Variants in AFF3 observed in about 807,000 individuals in gnomAD.
AFF3 encodes AF4/FMR2 family member 3.
AFF3 carries 32 observed loss-of-function variants against 129.7 expected under a neutral mutation model. That is an observed-to-expected ratio of 0.25 (90% CI 0.19 to 0.33). The LOEUF (loss-of-function observed/expected upper bound fraction) is 0.33. Ranked by LOEUF, AFF3 falls within the 10% of genes least tolerant of loss-of-function variation. The pLI is 1.00. For synonymous variants in AFF3, 644 were observed against 635.4 expected, an observed-to-expected ratio of 1.01 and a Z score of -0.20; for missense variants, 1,373 against 1,592.0, an observed-to-expected ratio of 0.86 and a Z score of 2.34.
chr2:100,085,740 T>G (rs1689369259), intron 4 of AFF3, among the ~76,000 whole-genome samples: 1 of 152,140 alleles, frequency 6.6e-6, no homozygotes, highest in African/African-American at 2.4e-5. Flanking sequence ...TCCAGACAGA[T>G]CTAACAGTCC....
intron 11 of AFF3, among the ~76,000 whole-genome samples, chr2:99,706,895 C>T (rs1295980557): frequency 6.6e-6 from 1 of 152,158 alleles, no homozygotes; most frequent in African/African-American, 2.4e-5. Context: ...TGATCCAATT[C>T]CTGCTCCAGC....
Position 100,028,256 on chromosome 2 carries a change from A to G in AFF3, c.54-19324T>C, listed in dbSNP as rs115124818. Among the ~76,000 whole-genome samples, 1,465 of 152,306 alleles carry G rather than the reference A, an allele frequency of 9.6e-3. 21 individuals carry two copies. Among genetic ancestry groups the G allele is most frequent in the African/African-American group, 0.032 (1,339 of 41,550 alleles). ...ATTTTGTATTTTGTAGAACATTTTC[A>G]GAATCTTTAAAAAGAACACTTTACT... On this transcript the variant is annotated intron_variant, in intron 4 of 24. Transcript: ENST00000672756.
intron 7 of AFF3, among the ~76,000 whole-genome samples, chr2:99,859,929 C>T (rs973675723): frequency 6.6e-6 from 1 of 151,662 alleles, no homozygotes; most frequent in African/African-American, 2.4e-5. Flanking sequence ...TTATGGTCGC[C>T]CCCCGCAAAA....
At chr2:99,697,223 C>T (rs930815968) in intron 11 of AFF3, among the ~76,000 whole-genome samples, 1 of 152,212 alleles carries the variant, frequency 6.6e-6, no homozygotes, top group African/African-American at 2.4e-5. Flanking sequence ...TTTCCTGCAG[C>T]TTTGAGAATC....
intron 4 of AFF3, among the ~76,000 whole-genome samples, chr2:100,054,305 A>G (rs1230272897): frequency 6.6e-6 from 1 of 152,232 alleles, no homozygotes; most frequent in Non-Finnish European, 1.5e-5. Flanking sequence ...GGTGCCACAC[A>G]TTTAGTCAAA....
intron 11 of AFF3, among the ~76,000 whole-genome samples, chr2:99,711,851 T>C (rs1397555852): frequency 3.9e-5 from 6 of 152,210 alleles, no homozygotes; most frequent in Non-Finnish European, 7.3e-5. Flanking sequence ...GCAATATTTA[T>C]TGATTGCTTG....
At chr2:99,962,089 A>C (rs1677280765) in intron 7 of AFF3, among the ~76,000 whole-genome samples, 1 of 152,112 alleles carries the variant, frequency 6.6e-6, no homozygotes, top group African/African-American at 2.4e-5. Flanking sequence ...CATGAAAAGT[A>C]CCCAGCCCAG....
chr2:99,937,913 A>G (rs1674673359), intron 7 of AFF3, among the ~76,000 whole-genome samples: 1 of 152,204 alleles, frequency 6.6e-6, no homozygotes, highest in Non-Finnish European at 1.5e-5. Flanking sequence ...ATGTATTTCC[A>G]GAGTCACCTA....
intron 12 of AFF3, among the ~76,000 whole-genome samples, chr2:99,666,921 G>C (rs1686724379): frequency 2.6e-5 from 4 of 152,078 alleles, no homozygotes; most frequent in Admixed American, 6.5e-5. Flanking sequence ...CGATTGAATA[G>C]AAAGAAGAAA....
intron 13 of AFF3, among the ~76,000 whole-genome samples, chr2:99,636,331 C>A (rs577825197): frequency 6.6e-6 from 1 of 152,286 alleles, no homozygotes; most frequent in South Asian, 2.1e-4. Context: ...GGCTGGGCTT[C>A]ATCGAGGCCC....
At chr2:99,649,434 T>A (rs1193343299) in intron 13 of AFF3, among the ~76,000 whole-genome samples, 192 bp downstream of exon 13, 1 of 152,206 alleles carries the variant, frequency 6.6e-6, no homozygotes, top group South Asian at 2.1e-4. Flanking sequence ...ATACTTGCTA[T>A]GAAATACAAC....
intron 24 of AFF3, 105 bp downstream of exon 24, chr2:99,554,206 A>G: frequency 8.3e-7 from 1 of 1,203,550 alleles, no homozygotes. Flanking sequence ...TGAAGAAAGG[A>G]TATACAACTG....
At chr2:99,598,447 C>G (rs1679503497) in intron 14 of AFF3, among the ~76,000 whole-genome samples, 2 of 152,216 alleles carry the variant, frequency 1.3e-5, no homozygotes, top group Non-Finnish European at 2.9e-5. Flanking sequence ...GAGAGGGCCC[C>G]TCCATGCTAC....
intron 7 of AFF3, among the ~76,000 whole-genome samples, chr2:100,003,836 A>G (rs1681681462): frequency 6.6e-6 from 1 of 152,216 alleles, no homozygotes; most frequent in African/African-American, 2.4e-5. Flanking sequence ...GATGAAGGTG[A>G]GGGAATTTTC....
intron 7 of AFF3, among the ~76,000 whole-genome samples, chr2:99,927,498 G>T (rs73610074): frequency 6.6e-6 from 1 of 152,116 alleles, no homozygotes; most frequent in Non-Finnish European, 1.5e-5. Flanking sequence ...ACTACCACAT[G>T]TTCTAACTTA....
At chr2:99,736,384 T>C (rs1374887953) in intron 10 of AFF3, among the ~76,000 whole-genome samples, 1 of 152,200 alleles carries the variant, frequency 6.6e-6, no homozygotes, top group Non-Finnish European at 1.5e-5. Context: ...GCTTTTTGCT[T>C]AAAGTTTATT....
chr2:99,799,986 T>C (rs964550188), intron 8 of AFF3, among the ~76,000 whole-genome samples: 1 of 152,056 alleles, frequency 6.6e-6, no homozygotes, highest in African/African-American at 2.4e-5. Flanking sequence ...GAACCTAACA[T>C]AGAAAAAAAT....
intron 7 of AFF3, among the ~76,000 whole-genome samples, chr2:99,838,414 C>T (rs1312153088): frequency 1.3e-5 from 2 of 152,228 alleles, no homozygotes; most frequent in African/African-American, 4.8e-5. Flanking sequence ...TCCCTTCCTC[C>T]TCACTGTTCT....
intron 7 of AFF3, among the ~76,000 whole-genome samples, chr2:99,962,055 G>A (rs1677277136): frequency 6.6e-6 from 1 of 151,910 alleles, no homozygotes; most frequent in African/African-American, 2.4e-5. Flanking sequence ...AGGCAGCTGG[G>A]CACACCAGAA....
Sources: gnomAD v4.1 joint callset for allele counts (sites outside exome capture counted in the v4.1 genomes callset) on GRCh38, gnomAD v4.1.1 for gene constraint, MANE v1.5 for transcripts, NCBI Gene and HGNC (gene_info 2026-07-23, HGNC 2026-07-21) for gene names.